The following BRCA2 variants were observed in gnomAD, a reference collection of about 807,000 sequenced individuals.
BRCA2 encodes BRCA2 DNA repair associated.
A neutral mutation model predicts 276.7 loss-of-function variants in BRCA2; 203 were observed. The ratio of observed to expected loss-of-function variants is 0.73; its 90% CI spans 0.65 to 0.82. The LOEUF is 0.82. Ranked by LOEUF, BRCA2 falls within the 40% of genes least tolerant of loss-of-function variation. BRCA2 has a pLI of 0.00. For missense variants in BRCA2, 3,920 were observed against 3,915.0 expected, an observed-to-expected ratio of 1.00 and a Z score of -0.03; for synonymous variants, 1,289 against 1,338.4, an observed-to-expected ratio of 0.96 and a Z score of 0.81.
Position 32,332,916 on chromosome 13 carries a change from T to G in BRCA2, c.1438T>G (p.Cys480Gly). The G allele has an allele frequency of 6.2e-7, 1 of 1,608,844 alleles. No homozygotes were observed. Among genetic ancestry groups the G allele is most frequent in the Non-Finnish European group, 8.5e-7 (1 of 1,178,842 alleles). ...GCAGCATCTTGAATCTCATACAGAC[T>G]GCATTCTTGCAGTAAAGCAGGCAAT... ...EEQHLESHTD[C>G]ILAVKQAISG... The change falls in exon 10 of 27, where the codon TGC becomes GGC. Residue 480 changes from cysteine to glycine, a missense_variant. Cys to Gly is a radical substitution (Grantham distance 159). Around this residue, in one of 2 missense-constraint regions of BRCA2, gnomAD observed 3,263 missense variants for 3,156.9 expected, o/e 1.03. Coordinates refer to ENST00000380152, the MANE Select transcript of BRCA2 (RefSeq NM_000059.4).
At chr13:32,367,867 ATC>A (rs1218655486) in intron 18 of BRCA2, among the ~76,000 whole-genome samples, 2 of 152,014 alleles carry the variant, frequency 1.3e-5, no homozygotes, top group African/African-American at 4.8e-5. Flanking sequence ...CTCTTATATG[ATC>A]TATATTTTGG....
intron 24 of BRCA2, chr13:32,384,927 A>G (rs2072948505): frequency 3.0e-6 from 1 of 336,742 alleles, no homozygotes; most frequent in South Asian, 7.4e-5. Context: ...GAAGATGCCA[A>G]TCAGATTTGA....
rs206123 is a variant in BRCA2, at chr13:32,321,240, G to C, written c.316+1915G>C. On this transcript the variant is annotated intron_variant, in intron 3 of 26. Coordinates refer to ENST00000380152, the MANE Select transcript of BRCA2 (RefSeq NM_000059.4). ...GAGTCATCCATTCTGCAAATACTTA[G>C]TGCTTACTTGTGTCTGGCAACCTGC... Among the ~76,000 whole-genome samples, 149,100 of 152,344 alleles carry C rather than the reference G, an allele frequency of 0.98. 73,044 individuals carry two copies. Among genetic ancestry groups the C allele is most frequent in the East Asian group, 1 (5,189 of 5,190 alleles).
rs1196515495 is a variant in BRCA2, at chr13:32,363,318, A to G, written c.8116A>G (p.Asn2706Asp). 6.2e-7 allele frequency: 1 copy of G among 1,614,114 alleles called. No individual in the cohort carries two copies. The highest frequency in any genetic ancestry group is 8.5e-7 in the Non-Finnish European group (1 of 1,180,038). The change falls in exon 18 of 27, where the codon AAT becomes GAT. Residue 2706 changes from asparagine to aspartate, a missense_variant. Physicochemically the swap from Asn to Asp is conservative, Grantham distance 23 (BLOSUM62 1). This residue lies in a region of BRCA2 where 3,263 missense variants were observed against 3,156.9 expected (regional missense o/e 1.03). Coordinates refer to ENST00000380152, the MANE Select transcript of BRCA2 (RefSeq NM_000059.4). ...CGCAAATATATCTGAAACTTCTAGCAATAAAACTAGTAGTGCAGATACCCA... is the reference window on the plus strand; with the variant it reads ...CGCAAATATATCTGAAACTTCTAGCGATAAAACTAGTAGTGCAGATACCCA... ...LSANISETSS[N>D]KTSSADTQKV...
intron 2 of BRCA2, among the ~76,000 whole-genome samples, chr13:32,318,834 T>G (rs896067660): frequency 6.6e-6 from 1 of 152,230 alleles, no homozygotes; most frequent in African/African-American, 2.4e-5. Context: ...AAATAAAAGC[T>G]AATATATACA....
At chr13:32,369,611 T>A (rs936377537) in intron 18 of BRCA2, among the ~76,000 whole-genome samples, 2 of 152,138 alleles carry the variant, frequency 1.3e-5, no homozygotes, top group African/African-American at 4.8e-5. Context: ...GCACGCTCTG[T>A]CCCCCAGGCT....
At chr13:32,360,144 A>G (rs1566243878) in intron 16 of BRCA2, among the ~76,000 whole-genome samples, 2 of 152,216 alleles carry the variant, frequency 1.3e-5, no homozygotes, top group East Asian at 1.9e-4. Flanking sequence ...AGGAGGGAGC[A>G]TAGGACTATC....
rs587782095 is a variant in BRCA2, at chr13:32,336,667, T to G, written c.2312T>G (p.Leu771Ter). 1 of 1,613,864 alleles carries G rather than the reference T, an allele frequency of 6.2e-7. No homozygotes were observed. Among genetic ancestry groups the G allele is most frequent in the Non-Finnish European group, 8.5e-7 (1 of 1,179,886 alleles). The change falls in exon 11 of 27, where the codon TTA becomes TGA. Residue 771 changes from leucine (L) to a stop codon, truncating the protein, a stop_gained. Transcript: ENST00000380152. LOFTEE classifies it high-confidence loss of function. ...CATGAAAATGCCAGCACTCTTATTT[T>G]AACTCCTACTTCCAAGGATGTTCTG... The part of the protein sequence containing the change: ...YDHENASTLI[L>*]TPTSKDVLSN...
chr13:32,357,643 T>C (rs921370796), intron 15 of BRCA2, 99 bp from the exon 16 acceptor site: 48 of 1,247,802 alleles, frequency 3.8e-5, no homozygotes, highest in Non-Finnish European at 4.6e-5. Context: ...ATGAAAATTT[T>C]TGGTAAATTC....
At chr13:32,375,997 G>A (rs752383465) in intron 20 of BRCA2, among the ~76,000 whole-genome samples, 2 of 152,170 alleles carry the variant, frequency 1.3e-5, no homozygotes, top group Non-Finnish European at 2.9e-5. Flanking sequence ...CTGTGACAGA[G>A]ACATGAAGTG....
intron 13 of BRCA2, among the ~76,000 whole-genome samples, chr13:32,349,360 C>A (rs2072632281): frequency 6.7e-6 from 1 of 148,958 alleles, no homozygotes; most frequent in African/African-American, 2.5e-5. Context: ...AACAAAGTAA[C>A]TAAATTTCTC....
chr13:32,352,395 G>T (rs552765917), intron 13 of BRCA2, among the ~76,000 whole-genome samples: 1 of 152,072 alleles, frequency 6.6e-6, no homozygotes, highest in Non-Finnish European at 1.5e-5. Flanking sequence ...TATAGTGAAA[G>T]ATATAAGGAT....
At chr13:32,341,506 T>C (rs1201571805) in intron 11 of BRCA2, among the ~76,000 whole-genome samples, 4 of 152,222 alleles carry the variant, frequency 2.6e-5, no homozygotes, top group Non-Finnish European at 5.9e-5. Flanking sequence ...TTAAAAAGTT[T>C]TGAGTTTCTC....
At chr13:32,367,158 G>A (rs1271576921) in intron 18 of BRCA2, among the ~76,000 whole-genome samples, 1 of 152,174 alleles carries the variant, frequency 6.6e-6, no homozygotes, top group Non-Finnish European at 1.5e-5. Context: ...TAACAGGCTG[G>A]GCACACTGGC....
At chr13:32,378,562 T>C (rs1021860673) in intron 21 of BRCA2, among the ~76,000 whole-genome samples, 1 of 152,202 alleles carries the variant, frequency 6.6e-6, no homozygotes, top group Non-Finnish European at 1.5e-5. Context: ...AGTCTCCCTT[T>C]TCAGTATAGA....
In BRCA2 at chr13:32,398,488, TA is replaced by T; in HGVS notation, c.9981del (p.Lys3327AsnfsTer13). The stretch of plus-strand genomic sequence containing the variant: ...TGAATTCTCCTCAGATGACTCCATT[TA>T]AAAAATTCAATGAAATTTCTCTTTT... Reference protein sequence around the residue: ...ELNSPQMTPFKKFNEISLLES... With the variant: ...ELNSPQMTPFXKFNEISLLES... On this transcript the variant is annotated frameshift_variant, in exon 27 of 27. Coordinates refer to ENST00000380152, the MANE Select transcript of BRCA2 (RefSeq NM_000059.4). LOFTEE classifies it low-confidence loss of function (END_TRUNC). 1 of 1,614,136 alleles carries T rather than the reference TA, an allele frequency of 6.2e-7. No homozygotes were observed. Among genetic ancestry groups the T allele is most frequent in the Non-Finnish European group, 8.5e-7 (1 of 1,180,010 alleles).
At position 32,337,826 on chromosome 13, in the gene BRCA2, G is replaced by C. The variant is rs747803130; in HGVS notation, c.3471G>C (p.Glu1157Asp). 6.2e-7 allele frequency: 1 copy of C among 1,614,074 alleles called. No individual in the cohort carries two copies. The highest frequency in any genetic ancestry group is 1.1e-5 in the South Asian group (1 of 91,082). The change falls in exon 11 of 27, where the codon GAG becomes GAC. Residue 1157 changes from glutamate to aspartate, a missense_variant. Physicochemically the swap from Glu to Asp is conservative, Grantham distance 45. Transcript: ENST00000380152. ...NQMTILKTTS[E>D]ECRDADLHVI... ...TGACTATCTTAAAGACCACTTCTGAGGAATGCAGAGATGCTGATCTTCATG... is the reference window on the plus strand; with the variant it reads ...TGACTATCTTAAAGACCACTTCTGACGAATGCAGAGATGCTGATCTTCATG...
chr13:32,370,426 G>A lies in BRCA2; in HGVS notation c.8356G>A (p.Ala2786Thr), dbSNP rs80359077. ...GATTTCTGCTAACAGTACTCGGCCT[G>A]CTCGCTGGTATACCAAACTTGGATT... Reference protein sequence around the residue: ...LKISANSTRPARWYTKLGFFP... With the variant: ...LKISANSTRPTRWYTKLGFFP... The change falls in exon 19 of 27, where the codon GCT becomes ACT. Residue 2786 changes from alanine to threonine, a missense_variant. Around this residue, in one of 2 missense-constraint regions of BRCA2, gnomAD observed 657 missense variants for 758.2 expected, o/e 0.87. Coordinates refer to ENST00000380152, the MANE Select transcript of BRCA2 (RefSeq NM_000059.4). The A allele has an allele frequency of 8.1e-6, 13 of 1,613,682 alleles. No individual in the cohort carries two copies. In the East Asian group the frequency reaches 2.2e-4, roughly 28 times the overall value.
In BRCA2 at chr13:32,341,112, CT is replaced by C. The variant is rs80359624; in HGVS notation, c.6762del (p.Phe2254LeufsTer26). ...SKLPSHATHSLFTCPENEEMV... is the reference protein window; with the variant it reads ...SKLPSHATHSXFTCPENEEMV... The stretch of plus-strand genomic sequence containing the variant: ...ACTGCCAAGTCATGCCACACATTCT[CT>C]TTTTACATGTCCCGAAAATGAGGAA... On this transcript the variant is annotated frameshift_variant, in exon 11 of 27. Transcript: ENST00000380152. LOFTEE classifies it high-confidence loss of function. 6.2e-7 allele frequency: 1 copy of C among 1,613,918 alleles called. No individual in the cohort carries two copies. Among genetic ancestry groups the C allele is most frequent in the Admixed American group, 1.7e-5 (1 of 60,012 alleles).
Sources: allele counts gnomAD v4.1 joint callset (sites outside exome capture counted in the v4.1 genomes callset), GRCh38; gene constraint gnomAD v4.1.1; regional missense constraint gnomAD v4.1.1; transcripts MANE v1.5; gene names NCBI Gene and HGNC (gene_info 2026-07-23, HGNC 2026-07-21).